Variants in BTD observed in about 807,000 individuals in gnomAD.
The protein encoded by BTD is biotinidase.
A neutral mutation model predicts 17.7 loss-of-function variants in BTD; 13 were observed. That is an observed-to-expected ratio of 0.74 (90% CI 0.48 to 1.17). The LOEUF (loss-of-function observed/expected upper bound fraction) is 1.17, where lower values mean the gene tolerates loss of function less well. Among genes scored for constraint, BTD ranks in the 50% most tolerant of loss-of-function variants. The pLI, the probability that BTD is intolerant of heterozygous loss-of-function variation, is 0.00. For missense variants in BTD, 674 were observed against 650.4 expected (o/e 1.04, Z -0.39); for synonymous variants, 240 against 245.2 (o/e 0.98, Z 0.20).
In BTD at chr3:15,633,239, T is replaced by G. The variant is rs914674972; in HGVS notation, c.-16-2185T>G. 9.2e-5 allele frequency among the ~76,000 whole-genome samples: 14 copies of G among 152,142 alleles called. No homozygotes were observed. In the South Asian group the frequency reaches 1.5e-3, roughly 16 times the overall value. On this transcript the variant is annotated intron_variant, in intron 1 of 3. Transcript: ENST00000643237. ...CCACCCCAGTAATTTCAATCCAAGG[T>G]TGGTGGAATCCATGGATGCAGAAAC...
chr3:15,654,360 T>C (rs75834255), downstream of BTD, among the ~76,000 whole-genome samples: 12,272 of 152,072 alleles, frequency 0.081, 559 homozygotes, highest in African/African-American at 0.11. Context: ...AATAACATGG[T>C]CATTTAAAAT....
chr3:15,633,574 G>A (rs1004131444), intron 1 of BTD, among the ~76,000 whole-genome samples: 58 of 152,162 alleles, frequency 3.8e-4, no homozygotes, highest in African/African-American at 1.4e-3. Context: ...CCCCGACATC[G>A]GTGGTACCCA....
intron 1 of BTD, among the ~76,000 whole-genome samples, chr3:15,608,368 A>G (rs2064517310): frequency 6.6e-6 from 1 of 152,212 alleles, no homozygotes; most frequent in African/African-American, 2.4e-5. Flanking sequence ...AGCAGCAGTC[A>G]TTACATCACT....
intron 3 of BTD, chr3:15,707,967 A>T: frequency 6.2e-7 from 1 of 1,613,066 alleles, no homozygotes. Flanking sequence ...AGGGGTGTGC[A>T]GCCTCTTTCA....
chr3:15,678,803 G>A (rs2067224000), intron 3 of BTD, among the ~76,000 whole-genome samples: 1 of 151,986 alleles, frequency 6.6e-6, no homozygotes, highest in African/African-American at 2.4e-5. Context: ...TTTAAAGGAG[G>A]AAAACTTCCT....
At chr3:15,659,036 G>T (rs1449965965) in intron 3 of BTD, among the ~76,000 whole-genome samples, 1 of 152,184 alleles carries the variant, frequency 6.6e-6, no homozygotes, top group East Asian at 1.9e-4. Context: ...CCATCAGGTT[G>T]TAAACTCCAT....
intron 3 of BTD, chr3:15,695,282 T>C (rs1002194198): frequency 5.0e-6 from 6 of 1,195,530 alleles, no homozygotes; most frequent in Non-Finnish European, 7.3e-6. Context: ...TCTCAACTTA[T>C]ATAGAGCTTT....
intron 1 of BTD, among the ~76,000 whole-genome samples, chr3:15,613,192 A>G (rs962029716): frequency 9.2e-5 from 14 of 152,290 alleles, no homozygotes; most frequent in African/African-American, 3.1e-4. Flanking sequence ...AGAAAAGAGG[A>G]TTATACAAGG....
chr3:15,614,780 A>G (rs145986856), intron 1 of BTD, among the ~76,000 whole-genome samples: 15,171 of 151,500 alleles, frequency 0.1, 960 homozygotes, highest in East Asian at 0.35. Flanking sequence ...TATTTTTTGT[A>G]GAGATGGGGT....
downstream of BTD, among the ~76,000 whole-genome samples, chr3:15,658,437 T>C (rs922760702): frequency 1.3e-5 from 2 of 152,206 alleles, no homozygotes; most frequent in Non-Finnish European, 2.9e-5. Flanking sequence ...TTGGGTGCCA[T>C]GGAAATTAGT....
intron 3 of BTD, among the ~76,000 whole-genome samples, chr3:15,682,605 A>G (rs2067662939): frequency 6.6e-6 from 1 of 152,174 alleles, no homozygotes; most frequent in Admixed American, 6.5e-5. Context: ...GAAATTGTGA[A>G]CTTTTAGTAT....
chr3:15,722,295 C>T (rs1190076879), exon 5 of BTD, among the ~76,000 whole-genome samples: 2 of 152,138 alleles, frequency 1.3e-5, no homozygotes, highest in Non-Finnish European at 1.5e-5. Flanking sequence ...CAATAAAAAC[C>T]GAAAATGAAG....
intron 3 of BTD, among the ~76,000 whole-genome samples, chr3:15,703,830 T>A (rs981229912): frequency 1.3e-5 from 2 of 152,198 alleles, no homozygotes; most frequent in Non-Finnish European, 2.9e-5. Flanking sequence ...TAAAATATTT[T>A]AAAAAATTAT....
rs1052109474 is a variant in BTD at position 15,650,056 on chromosome 3, C to A, written c.*4568C>A. Among the ~76,000 whole-genome samples the A allele has an allele frequency of 5.3e-5, 8 of 152,234 alleles. No individual in the cohort carries two copies. Among genetic ancestry groups the A allele is most frequent in the Non-Finnish European group, 2.9e-5 (2 of 68,036 alleles). ...TTTATCGTGACTCCACGGAGACCCA[C>A]CCTCTAAGACCAGAGCCAGTGTCCT... On this transcript the variant is annotated 3_prime_UTR_variant, in exon 4 of 4. Transcript: ENST00000643237.
Position 15,638,462 on chromosome 3 carries a change from T to C in BTD, c.249+2774T>C, listed in dbSNP as rs542101925. Among the ~76,000 whole-genome samples the C allele has an allele frequency of 3.9e-5, 6 of 152,302 alleles. No individual in the cohort carries two copies. The East Asian group carries it at 7.7e-4, about 20-fold the overall frequency. Reference sequence around the variant, plus strand: ...ACAGACTTGTCTTCCACAAGCACTTTCTTATCTTAGCCACAAAGTGACCAA... The same window carrying C: ...ACAGACTTGTCTTCCACAAGCACTTCCTTATCTTAGCCACAAAGTGACCAA... On this transcript the variant is annotated intron_variant, in intron 2 of 3. Coordinates refer to ENST00000643237, the MANE Select transcript of BTD (RefSeq NM_001370658.1).
intron 1 of BTD, chr3:15,632,640 C>T (rs2125442143): frequency 6.6e-6 from 1 of 152,426 alleles, no homozygotes; most frequent in South Asian, 2.1e-4. Flanking sequence ...CCAAGAACCC[C>T]ATGACTTCCA....
chr3:15,678,176 T>C (rs986783632), intron 3 of BTD: 1 of 1,575,014 alleles, frequency 6.3e-7, no homozygotes, highest in Admixed American at 1.8e-5. Context: ...TACACATACT[T>C]AGGAAAATAC....
At chr3:15,665,469 T>G (rs1212137095) in intron 3 of BTD, among the ~76,000 whole-genome samples, 1 of 152,126 alleles carries the variant, frequency 6.6e-6, no homozygotes, top group African/African-American at 2.4e-5. Context: ...AGCAAGAACT[T>G]TCCAACTCAA....
At position 15,644,954 on chromosome 3, in the gene BTD, A is replaced by C; in HGVS notation, c.1038A>C (p.Ser346=). The change falls in exon 4 of 4, where the codon TCA becomes TCC. Residue 346 remains serine, a synonymous_variant. Coordinates refer to ENST00000643237, the MANE Select transcript of BTD (RefSeq NM_001370658.1). The part of the protein sequence containing the change: ...PSHSKFLKIL[S]GDPYCEKDAQ... The stretch of plus-strand genomic sequence containing the variant: ...ATAGTAAGTTTTTAAAAATTTTGTC[A>C]GGCGATCCGTACTGTGAGAAGGATG... 5 of 1,614,162 alleles carry C rather than the reference A, an allele frequency of 3.1e-6. No individual in the cohort carries two copies. The highest frequency in any genetic ancestry group is 4.2e-6 in the Non-Finnish European group (5 of 1,180,026).
Sources: gnomAD v4.1 joint callset for allele counts (sites outside exome capture counted in the v4.1 genomes callset) on GRCh38, gnomAD v4.1.1 for gene constraint, MANE v1.5 for transcripts, NCBI Gene and HGNC (gene_info 2026-07-23, HGNC 2026-07-21) for gene names.